CDC16: variants seen among roughly 807,000 people sequenced by gnomAD.
CDC16 encodes cell division cycle 16, also known as cell division cycle protein 16 homolog.
Under a neutral mutation model 87.0 loss-of-function variants are expected in CDC16, and 34 were observed. The observed-to-expected ratio is 0.39, with a 90% confidence interval of 0.30 to 0.52. The LOEUF (loss-of-function observed/expected upper bound fraction) is 0.52, where lower values mean the gene tolerates loss of function less well. CDC16 is among the 20% of genes least tolerant of loss of function. CDC16 has a pLI of 0.74. For missense variants in CDC16, 653 were observed against 751.9 expected (o/e 0.87, Z 1.54); for synonymous variants, 263 against 260.6 (o/e 1.01, Z -0.09).
intron 12 of CDC16, among the ~76,000 whole-genome samples, chr13:114,250,888 G>C (rs1407706219): frequency 6.6e-6 from 1 of 152,106 alleles, no homozygotes; most frequent in Non-Finnish European, 1.5e-5. Flanking sequence ...TCCAACCAGT[G>C]CAAGAAGCAA....
chr13:114,239,069 A>C, intron 4 of CDC16, 41 bp downstream of exon 4: 1 of 1,603,396 alleles, frequency 6.2e-7, no homozygotes, highest in Non-Finnish European at 8.5e-7. Flanking sequence ...GGTTGAATAA[A>C]ATGAGTGTTA....
At chr13:114,254,784 T>A (rs941504616) in intron 12 of CDC16, among the ~76,000 whole-genome samples, 2 of 152,150 alleles carry the variant, frequency 1.3e-5, no homozygotes, top group African/African-American at 4.8e-5. Context: ...CCGTCTAAAT[T>A]TAACCTGAAA....
At chr13:114,251,769 T>C (rs186116998) in intron 12 of CDC16, among the ~76,000 whole-genome samples, 57 of 152,376 alleles carry the variant, frequency 3.7e-4, no homozygotes, top group Admixed American at 5.9e-4. Context: ...GCAGTTCCTA[T>C]TGAGGAGTCT....
chr13:114,266,008 C>T (rs1352559251), intron 17 of CDC16, among the ~76,000 whole-genome samples: 3 of 152,148 alleles, frequency 2.0e-5, no homozygotes, highest in Admixed American at 1.3e-4. Flanking sequence ...AGAGACTGGT[C>T]TTCTCCATGT....
chr13:114,257,098 A>G lies in CDC16; in HGVS notation c.1118A>G (p.Tyr373Cys). The change falls in exon 13 of 18, where the codon TAT becomes TGT. Residue 373 changes from tyrosine to cysteine, a missense_variant. Coordinates refer to ENST00000356221, the MANE Select transcript of CDC16 (RefSeq NM_001078645.3). ...LMKGCHLPML[Y>C]IGLEYGLTNN... is the part of the protein sequence containing the mutation. ...TTTAGGTGTCATTTGCCTATGCTGT[A>G]TATTGGATTAGAATATGGTTTGACC... 1 of 1,604,408 alleles carries G rather than the reference A, an allele frequency of 6.2e-7. No homozygotes were observed. The highest frequency in any genetic ancestry group is 8.5e-7 in the Non-Finnish European group (1 of 1,173,164).
At chr13:114,265,818 A>AT (rs35581239) in intron 17 of CDC16, among the ~76,000 whole-genome samples, 3,778 of 147,414 alleles carry the variant, frequency 0.026, 155 homozygotes, top group African/African-American at 0.086. Flanking sequence ...TACTAAAGTA[A>AT]TTTTTTTTTT....
rs952020055 is a variant in CDC16 at position 114,270,434 on chromosome 13, C to T, written c.1604-1750C>T. ...GCCCCACCTCCAACATTGAGGATTA[C>T]GGTTCACCCTGAGATTTGGTGGGAC... On this transcript the variant is annotated intron_variant, in intron 17 of 17. Transcript: ENST00000356221. Among the ~76,000 whole-genome samples the T allele has an allele frequency of 7.2e-5, 11 of 152,164 alleles. No individual in the cohort carries two copies. The East Asian group carries it at 1.5e-3, about 21-fold the overall frequency.
At position 114,238,375 on chromosome 13, in the gene CDC16, C is replaced by G. The variant is rs139858499; in HGVS notation, c.202-615C>G. ...CGGATGCCCAGCAGTTATTCACACT[C>G]AGTGCCTGAAGTGGAGCTGCTGCGA... On this transcript the variant is annotated intron_variant, in intron 3 of 17. Transcript: ENST00000356221. 2.7e-3 allele frequency among the ~76,000 whole-genome samples: 400 copies of G among 146,864 alleles called. 1 individual carries two copies. Among genetic ancestry groups the G allele is most frequent in the African/African-American group, 9.4e-3 (362 of 38,310 alleles).
rs2082703780 is a variant in CDC16 at position 114,259,376 on chromosome 13, AAATT to A, written c.1295_1298del (p.Ile432LysfsTer7). 6.4e-7 allele frequency: 1 copy of A among 1,574,050 alleles called. No individual in the cohort carries two copies. Among genetic ancestry groups the A allele is most frequent in the South Asian group, 1.2e-5 (1 of 83,366 alleles). ...AAATGGTTTCTTGATGCTTTGGAAA[AAATT>A]AAAGCAATTGGGAACGAGGTATTCT... On this transcript the variant is annotated frameshift_variant, in exon 14 of 18. Transcript: ENST00000356221. LOFTEE classifies it high-confidence loss of function.
intron 16 of CDC16, 57 bp downstream of exon 16, chr13:114,263,071 T>G (rs990955413): frequency 5.5e-6 from 8 of 1,461,302 alleles, no homozygotes; most frequent in Non-Finnish European, 7.6e-6. Flanking sequence ...CACTTCCTTT[T>G]TTGAAAATAT....
chr13:114,249,355 G>C (rs2082038195), intron 11 of CDC16, among the ~76,000 whole-genome samples: 1 of 151,204 alleles, frequency 6.6e-6, no homozygotes, highest in African/African-American at 2.4e-5. Flanking sequence ...CAAATGGCAA[G>C]TTCTTTCTTG....
chr13:114,234,985 G>A lies in CDC16; in HGVS notation c.-100G>A. The stretch of plus-strand genomic sequence containing the variant: ...GCCTTCGAGTCCTGGGGCGGCGGCG[G>A]CGGCTGCAGGCACGGGCACGGGCAC... On this transcript the variant is annotated 5_prime_UTR_variant, in exon 1 of 18. Coordinates refer to ENST00000356221, the MANE Select transcript of CDC16 (RefSeq NM_001078645.3). 1.0e-6 allele frequency: 1 copy of A among 980,836 alleles called. No homozygotes were observed. 60.8% of individuals were successfully genotyped at this position (980,836 alleles called of 1,614,324 possible). A position where few individuals can be genotyped will look rare whatever the true frequency, so the allele number is the denominator to read the frequency against.
At chr13:114,250,507 AGAAT>A in intron 11 of CDC16, 38 bp from the exon 12 acceptor site, 2 of 1,531,660 alleles carry the variant, frequency 1.3e-6, no homozygotes, top group African/African-American at 1.4e-5. Flanking sequence ...AAAAAAAAAA[AGAAT>A]AAATACTATA....
At chr13:114,263,304 C>G (rs1012007742) in intron 16 of CDC16, among the ~76,000 whole-genome samples, 4 of 152,230 alleles carry the variant, frequency 2.6e-5, no homozygotes, top group Non-Finnish European at 2.9e-5. Context: ...CACAGTAGCC[C>G]CTTTGGGAAC....
chr13:114,243,484 G>T, intron 7 of CDC16, 136 bp downstream of exon 7: 1 of 481,092 alleles, frequency 2.1e-6, no homozygotes, highest in Admixed American at 4.2e-5. Flanking sequence ...GAGCGTTTAA[G>T]ATACATAAGA....
intron 11 of CDC16, among the ~76,000 whole-genome samples, chr13:114,248,317 C>A (rs2081977026): frequency 6.6e-6 from 1 of 152,196 alleles, no homozygotes; most frequent in South Asian, 2.1e-4. Context: ...GAATTCTAAT[C>A]CAAGTTCTGT....
intron 1 of CDC16, among the ~76,000 whole-genome samples, chr13:114,235,473 A>G (rs935609779): frequency 1.3e-5 from 2 of 152,252 alleles, no homozygotes; most frequent in African/African-American, 4.8e-5. Flanking sequence ...TTGCAGGGCT[A>G]GCTAATAAAA....
At position 114,257,185 on chromosome 13, in the gene CDC16, CT is replaced by C; in HGVS notation, c.1209del (p.Phe403LeufsTer37). Reference sequence around the variant, plus strand: ...GCTCTGAGCATTGCACCGGAAGACCCTTTTGTTATGCATGAGGTCGGCGTGG... The same window carrying C: ...GCTCTGAGCATTGCACCGGAAGACCCTTTGTTATGCATGAGGTCGGCGTGG... ...SQALSIAPED[P>X]FVMHEVGVVA... On this transcript the variant is annotated frameshift_variant, in exon 13 of 18. Coordinates refer to ENST00000356221, the MANE Select transcript of CDC16 (RefSeq NM_001078645.3). LOFTEE classifies it high-confidence loss of function. 1 of 1,613,196 alleles carries C rather than the reference CT, an allele frequency of 6.2e-7. No homozygotes were observed. Among genetic ancestry groups the C allele is most frequent in the Non-Finnish European group, 8.5e-7 (1 of 1,179,392 alleles).
intron 12 of CDC16, among the ~76,000 whole-genome samples, chr13:114,253,910 A>G (rs1327241246): frequency 6.6e-6 from 1 of 152,094 alleles, no homozygotes; most frequent in Non-Finnish European, 1.5e-5. Flanking sequence ...TCCAGATTTT[A>G]TTGTTGAATT....
Sources: gnomAD v4.1 joint callset for allele counts (sites outside exome capture counted in the v4.1 genomes callset) on GRCh38, gnomAD v4.1.1 for gene constraint, MANE v1.5 for transcripts, NCBI Gene and HGNC (gene_info 2026-07-23, HGNC 2026-07-21) for gene names.